The following PTH2R variants were observed in gnomAD, a reference collection of about 807,000 sequenced individuals.
PTH2R encodes the protein parathyroid hormone 2 receptor.
Under a neutral mutation model 60.3 loss-of-function variants are expected in PTH2R, and 59 were observed. The observed-to-expected ratio is 0.98, with a 90% CI of 0.79 to 1.22. The LOEUF (loss-of-function observed/expected upper bound fraction) is 1.22. Among genes scored for constraint, PTH2R ranks in the 50% most tolerant of loss-of-function variants. The pLI is 0.00. For synonymous variants in PTH2R, 256 were observed against 243.8 expected, an observed-to-expected ratio of 1.05 and a Z score of -0.47; for missense variants, 749 against 682.6, an observed-to-expected ratio of 1.10 and a Z score of -1.08.
At chr2:208,437,695 TC>T (rs1702102712) in intron 3 of PTH2R, 48 bp downstream of exon 3, 1 of 1,603,164 alleles carries the variant, frequency 6.2e-7, no homozygotes, top group African/African-American at 1.3e-5. Flanking sequence ...CATTTACTTG[TC>T]CATTTTCTTG....
chr2:208,442,128 T>C (rs1404949817), intron 4 of PTH2R, among the ~76,000 whole-genome samples: 1 of 152,202 alleles, frequency 6.6e-6, no homozygotes, highest in Non-Finnish European at 1.5e-5. Context: ...GGAACAGTGA[T>C]TTCCTGGGGG....
chr2:208,406,983 T>C lies in PTH2R; in HGVS notation c.-61T>C. ...GCTCTGGGCCAGCCAAGTTGGCAAC[T>C]TGGAAGCTTCTCCCGGGCTCTGGAG... On this transcript the variant is annotated 5_prime_UTR_variant, in exon 1 of 13. Transcript: ENST00000272847. 5.2e-6 allele frequency: 7 copies of C among 1,336,852 alleles called. No homozygotes were observed. The highest frequency in any genetic ancestry group is 6.8e-6 in the Non-Finnish European group (7 of 1,028,024). The allele number at this position is 1,336,852 out of a possible 1,614,324, so 82.8% of individuals were successfully genotyped here. A position where few individuals can be genotyped will look rare whatever the true frequency, so the allele number is the denominator to read the frequency against.
At chr2:208,375,422 A>G (rs1399644333) in intron 1 of PTH2R, among the ~76,000 whole-genome samples, 1 of 152,168 alleles carries the variant, frequency 6.6e-6, no homozygotes, top group African/African-American at 2.4e-5. Flanking sequence ...CATTCCACTC[A>G]AAGCCCATTA....
At chr2:208,451,472 C>A (rs1178203806) in intron 8 of PTH2R, among the ~76,000 whole-genome samples, 1 of 152,088 alleles carries the variant, frequency 6.6e-6, no homozygotes, top group Admixed American at 6.5e-5. Flanking sequence ...ATAATGCCCT[C>A]AAAAATATTA....
At chr2:208,411,111 T>G (rs935855486) in intron 1 of PTH2R, among the ~76,000 whole-genome samples, 1 of 152,112 alleles carries the variant, frequency 6.6e-6, no homozygotes, top group Non-Finnish European at 1.5e-5. Flanking sequence ...CTGGGCATGG[T>G]GGCACACGTC....
At chr2:208,489,310 T>G (rs889895099) in intron 11 of PTH2R, among the ~76,000 whole-genome samples, 160 bp downstream of exon 11, 1 of 152,162 alleles carries the variant, frequency 6.6e-6, no homozygotes, top group Non-Finnish European at 1.5e-5. Context: ...GCCTGTGCTT[T>G]TCTGTCCTAT....
chr2:208,475,962 C>T (rs1447871077), intron 9 of PTH2R, among the ~76,000 whole-genome samples: 1 of 152,130 alleles, frequency 6.6e-6, no homozygotes, highest in Non-Finnish European at 1.5e-5. Context: ...GAGGAAGCTG[C>T]ATACTACATA....
chr2:208,451,992 C>A (rs565530340), intron 8 of PTH2R, among the ~76,000 whole-genome samples: 2 of 152,210 alleles, frequency 1.3e-5, no homozygotes, highest in South Asian at 4.2e-4. Context: ...GGTTAGGGAC[C>A]AACGGACCCA....
chr2:208,449,167 G>C (rs1465458662), intron 7 of PTH2R, among the ~76,000 whole-genome samples: 2 of 152,172 alleles, frequency 1.3e-5, no homozygotes, highest in East Asian at 3.9e-4. Context: ...AGGCCATGTG[G>C]TAGAATCTAT....
At chr2:208,447,158 G>T (rs1276281865) in intron 7 of PTH2R, among the ~76,000 whole-genome samples, 1 of 152,004 alleles carries the variant, frequency 6.6e-6, no homozygotes, top group Non-Finnish European at 1.5e-5. Context: ...ATTTGTTAGA[G>T]ATGTGGTCTT....
intron 1 of PTH2R, among the ~76,000 whole-genome samples, chr2:208,370,602 T>A (rs1700682012): frequency 6.6e-6 from 1 of 152,030 alleles, no homozygotes; most frequent in Non-Finnish European, 1.5e-5. Context: ...TTTTTCTCTG[T>A]TGTAATCTAT....
At chr2:208,472,104 G>T (rs1289505350) in intron 9 of PTH2R, among the ~76,000 whole-genome samples, 2 of 152,148 alleles carry the variant, frequency 1.3e-5, no homozygotes, top group Non-Finnish European at 2.9e-5. Context: ...TAACTAACTT[G>T]ATTTTGATTT....
intron 9 of PTH2R, among the ~76,000 whole-genome samples, chr2:208,478,534 C>G (rs150533828): frequency 5.9e-5 from 9 of 152,216 alleles, no homozygotes; most frequent in Non-Finnish European, 1.2e-4. Context: ...TTCTTTTTCC[C>G]TCCCTTTCGG....
At chr2:208,478,132 A>T (rs1348978119) in intron 9 of PTH2R, among the ~76,000 whole-genome samples, 1 of 152,060 alleles carries the variant, frequency 6.6e-6, no homozygotes, top group Non-Finnish European at 1.5e-5. Flanking sequence ...TTCTTCTGTT[A>T]TGTTTTTATT....
chr2:208,439,961 T>C (rs1397379980), intron 4 of PTH2R, among the ~76,000 whole-genome samples: 3 of 152,230 alleles, frequency 2.0e-5, no homozygotes, highest in African/African-American at 7.2e-5. Context: ...TCAACGAGTT[T>C]AAATTTCTAA....
chr2:208,377,914 T>A (rs1700835727), intron 1 of PTH2R, among the ~76,000 whole-genome samples: 1 of 141,096 alleles, frequency 7.1e-6, no homozygotes, highest in Non-Finnish European at 1.5e-5. Flanking sequence ...GAGGGGCTCC[T>A]CACATCCCAG....
At chr2:208,362,011 G>T (rs917737761) in intron 1 of PTH2R, among the ~76,000 whole-genome samples, 2 of 152,148 alleles carry the variant, frequency 1.3e-5, no homozygotes, top group Non-Finnish European at 2.9e-5. Flanking sequence ...TCATCAATGT[G>T]GATGGGCCAG....
intron 1 of PTH2R, among the ~76,000 whole-genome samples, chr2:208,394,376 T>G (rs76042866): frequency 6.6e-6 from 1 of 152,348 alleles, no homozygotes; most frequent in East Asian, 1.9e-4. Context: ...ATAAAAGTGT[T>G]CTTTTAGTCT....
chr2:208,420,478 T>C (rs570588366), intron 1 of PTH2R, among the ~76,000 whole-genome samples: 9 of 152,106 alleles, frequency 5.9e-5, no homozygotes, highest in Non-Finnish European at 1.0e-4. Context: ...AATGAAGTAG[T>C]CTTAATATAT....
Sources: allele counts gnomAD v4.1 joint callset (sites outside exome capture counted in the v4.1 genomes callset), GRCh38; gene constraint gnomAD v4.1.1; transcripts MANE v1.5; gene names NCBI Gene and HGNC (gene_info 2026-07-23, HGNC 2026-07-21).